Variants in PLEKHG1 observed in about 807,000 individuals in gnomAD.
The protein encoded by PLEKHG1 is pleckstrin homology domain-containing family G member 1.
PLEKHG1 carries 44 observed loss-of-function variants against 100.8 expected under a neutral mutation model. The observed-to-expected ratio is 0.44, with a 90% CI of 0.34 to 0.56. PLEKHG1 has a LOEUF of 0.56. PLEKHG1 is among the 20% of genes least tolerant of loss of function. PLEKHG1 has a pLI of 0.01. For synonymous variants in PLEKHG1, 640 were observed against 662.5 expected, an observed-to-expected ratio of 0.97 and a Z score of 0.52; for missense variants, 1,545 against 1,720.9, an observed-to-expected ratio of 0.90 and a Z score of 1.81.
intron 6 of PLEKHG1, among the ~76,000 whole-genome samples, chr6:150,804,154 T>TA (rs57600076): frequency 0.14 from 6,162 of 42,686 alleles, 759 homozygotes; most frequent in African/African-American, 0.35. Context: ...GTGTAAATAT[T>TA]TTATATATAT....
At chr6:150,635,034 T>G (rs1777934296) in intron 1 of PLEKHG1, among the ~76,000 whole-genome samples, 2 of 152,188 alleles carry the variant, frequency 1.3e-5, no homozygotes, top group Non-Finnish European at 2.9e-5. Context: ...CCTGTTTAAT[T>G]TGAATATTCA....
intron 2 of PLEKHG1, among the ~76,000 whole-genome samples, chr6:150,737,615 A>C (rs189636747): frequency 6.6e-6 from 1 of 152,148 alleles, no homozygotes; most frequent in African/African-American, 2.4e-5. Context: ...AAAACATAGA[A>C]TATCAACTCC....
intron 1 of PLEKHG1, among the ~76,000 whole-genome samples, chr6:150,620,251 C>T (rs1230606692): frequency 6.6e-6 from 1 of 152,158 alleles, no homozygotes; most frequent in East Asian, 1.9e-4. Flanking sequence ...TAATTCTAAG[C>T]CTGTATTTCC....
intron 14 of PLEKHG1, among the ~76,000 whole-genome samples, chr6:150,825,719 A>C (rs545743118): frequency 1.3e-5 from 2 of 152,348 alleles, no homozygotes; most frequent in South Asian, 4.1e-4. Context: ...ACATGGATTC[A>C]AATCTGTTTC....
intron 1 of PLEKHG1, among the ~76,000 whole-genome samples, chr6:150,613,949 G>A (rs1776956139): frequency 6.6e-6 from 1 of 152,086 alleles, no homozygotes; most frequent in Admixed American, 6.5e-5. Context: ...ATAAAAATAA[G>A]TTAGTCAGAT....
intron 2 of PLEKHG1, among the ~76,000 whole-genome samples, chr6:150,638,567 G>T (rs1778115713): frequency 6.6e-6 from 1 of 152,176 alleles, no homozygotes; most frequent in African/African-American, 2.4e-5. Flanking sequence ...AAATAAAGGT[G>T]TCAAGAGGAC....
intron 3 of PLEKHG1, among the ~76,000 whole-genome samples, chr6:150,668,575 T>G (rs1219570725): frequency 6.6e-6 from 1 of 152,170 alleles, no homozygotes; most frequent in Non-Finnish European, 1.5e-5. Context: ...GTGGTTGCCA[T>G]GGAGTCTTGC....
chr6:150,675,928 G>C (rs1390026546), intron 3 of PLEKHG1, among the ~76,000 whole-genome samples: 1 of 152,058 alleles, frequency 6.6e-6, no homozygotes, highest in African/African-American at 2.4e-5. Context: ...GATGAAACGA[G>C]TAAAAAGTGA....
intron 1 of PLEKHG1, among the ~76,000 whole-genome samples, chr6:150,627,662 G>GA (rs1254355657): frequency 6.6e-6 from 1 of 152,170 alleles, no homozygotes; most frequent in Non-Finnish European, 1.5e-5. Flanking sequence ...CTGCATACCT[G>GA]AAAAATCCAA....
chr6:150,831,851 A>G lies in PLEKHG1; in HGVS notation c.2740A>G (p.Asn914Asp). 1 of 1,613,210 alleles carries G rather than the reference A, an allele frequency of 6.2e-7. No individual in the cohort carries two copies. Among genetic ancestry groups the G allele is most frequent in the Non-Finnish European group, 8.5e-7 (1 of 1,179,478 alleles). ...CAGGGCTGGCAGAGCCAGCCGCGCC[A>G]ACTGCCCCTTTGAGGAAGACCTGAT... The change falls in exon 15 of 16, where the codon AAC becomes GAC. Residue 914 changes from asparagine to aspartate, a missense_variant. Transcript: ENST00000358517. The surrounding 1 kb of genome is among the most constrained non-coding windows in gnomAD (Gnocchi z 4.1).
upstream of PLEKHG1, among the ~76,000 whole-genome samples, chr6:150,720,692 C>G (rs185677094): frequency 1.6e-4 from 25 of 151,614 alleles, no homozygotes; most frequent in African/African-American, 5.6e-4. Flanking sequence ...AAGATGTGTC[C>G]CTTTACTTTG....
At chr6:150,812,608 T>A (rs906748508) in intron 10 of PLEKHG1, among the ~76,000 whole-genome samples, 8 of 152,294 alleles carry the variant, frequency 5.3e-5, no homozygotes, top group African/African-American at 1.9e-4. Context: ...GGGTATAGAC[T>A]TTTTTATATG....
chr6:150,724,851 G>T (rs895835549), intron 1 of PLEKHG1, among the ~76,000 whole-genome samples: 5 of 152,140 alleles, frequency 3.3e-5, no homozygotes, highest in African/African-American at 9.7e-5. Flanking sequence ...ATGGGCCACC[G>T]CGCCTGGCCT....
chr6:150,774,197 A>ATTGC (rs2128643284), intron 3 of PLEKHG1, among the ~76,000 whole-genome samples: 1 of 152,084 alleles, frequency 6.6e-6, no homozygotes, highest in African/African-American at 2.4e-5. Flanking sequence ...TTCATGTCTT[A>ATTGC]TTGCTTTGGG....
At chr6:150,646,127 G>A (rs549271373) in intron 2 of PLEKHG1, among the ~76,000 whole-genome samples, 10 of 152,170 alleles carry the variant, frequency 6.6e-5, no homozygotes, top group Admixed American at 1.3e-4. Flanking sequence ...AGTTACAATC[G>A]TGTATGTACA....
intron 2 of PLEKHG1, among the ~76,000 whole-genome samples, chr6:150,758,337 T>C (rs1224173350): frequency 1.7e-5 from 1 of 58,142 alleles, no homozygotes; most frequent in Admixed American, 2.0e-4. Context: ...GTTTCTTGAC[T>C]TTTTTTTTTT....
chr6:150,745,102 C>T (rs1459049842), intron 2 of PLEKHG1, among the ~76,000 whole-genome samples: 2 of 152,178 alleles, frequency 1.3e-5, no homozygotes, highest in Non-Finnish European at 2.9e-5. Context: ...ATTATACAGG[C>T]ATCATAGAGT....
At chr6:150,783,867 TTAC>T (rs1785463102) in intron 3 of PLEKHG1, among the ~76,000 whole-genome samples, 1 of 152,228 alleles carries the variant, frequency 6.6e-6, no homozygotes, top group Non-Finnish European at 1.5e-5. Flanking sequence ...AAAAATAATT[TTAC>T]TACTTTTTCT....
At chr6:150,755,000 G>A (rs1406075036) in intron 2 of PLEKHG1, among the ~76,000 whole-genome samples, 1 of 147,676 alleles carries the variant, frequency 6.8e-6, no homozygotes, top group Non-Finnish European at 1.5e-5. Flanking sequence ...TTTTGAGATA[G>A]GATCTCGCTC....
Sources: gnomAD v4.1 joint callset for allele counts (sites outside exome capture counted in the v4.1 genomes callset) on GRCh38, gnomAD v4.1.1 for gene constraint, Gnocchi (gnomAD v3.1) non-coding constraint, MANE v1.5 for transcripts, NCBI Gene and HGNC (gene_info 2026-07-23, HGNC 2026-07-21) for gene names.